NRXN3: variants seen among roughly 807,000 people sequenced by gnomAD.
NRXN3 encodes neurexin III.
Under a neutral mutation model 137.6 loss-of-function variants are expected in NRXN3, and 32 were observed. That is an observed-to-expected ratio of 0.23 (90% CI 0.18 to 0.31). NRXN3 has a LOEUF of 0.31. Among genes scored for constraint, NRXN3 ranks in the 10% least tolerant of loss-of-function variants. The pLI is 1.00. For synonymous variants in NRXN3, 798 were observed against 784.5 expected (o/e 1.02, Z -0.29); for missense variants, 1,574 against 2,062.5 (o/e 0.76, Z 4.59).
chr14:78,987,191 C>T (rs1302217130), intron 14 of NRXN3, among the ~76,000 whole-genome samples: 3 of 152,056 alleles, frequency 2.0e-5, no homozygotes, highest in Non-Finnish European at 4.4e-5. Flanking sequence ...CTGGGGTGAG[C>T]TCCAAGCGTT....
At chr14:79,838,011 G>A (rs1328457816) in intron 20 of NRXN3, among the ~76,000 whole-genome samples, 1 of 152,090 alleles carries the variant, frequency 6.6e-6, no homozygotes, top group Non-Finnish European at 1.5e-5. Context: ...ATTCTACCTA[G>A]TAATCCAAGA....
Position 78,709,247 on chromosome 14 carries a change from G to C in NRXN3, c.1252G>C (p.Glu418Gln), listed in dbSNP as rs1478038193. 6.2e-6 allele frequency: 10 copies of C among 1,613,792 alleles called. No homozygotes were observed. The highest frequency in any genetic ancestry group is 1.3e-5 in the African/African-American group (1 of 74,884). ...TTATAAGAATAATGACATCCGTCTG[G>C]AGCTGTCTCGCCTGGCCCGGATTGC... Reference protein sequence around the residue: ...VVYKNNDIRLELSRLARIADT... With the variant: ...VVYKNNDIRLQLSRLARIADT... The change falls in exon 7 of 21, where the codon GAG becomes CAG. Residue 418 changes from glutamate to glutamine, a missense_variant. Glu to Gln is a conservative substitution (Grantham distance 29). Around this residue, in one of 5 missense-constraint regions of NRXN3, gnomAD observed 718 missense variants for 887.6 expected, o/e 0.81. Coordinates refer to ENST00000335750, the MANE Select transcript of NRXN3 (RefSeq NM_001330195.2).
intron 10 of NRXN3, among the ~76,000 whole-genome samples, chr14:78,946,241 T>C (rs564132933): frequency 6.6e-6 from 1 of 152,340 alleles, no homozygotes; most frequent in African/African-American, 2.4e-5. Flanking sequence ...GAATCCAATG[T>C]ACCTTCCAAG....
Position 78,309,545 on chromosome 14 carries a change from GA to G in NRXN3, c.757+11694del, listed in dbSNP as rs967753005. On this transcript the variant is annotated intron_variant, in intron 4 of 20. Coordinates refer to ENST00000335750, the MANE Select transcript of NRXN3 (RefSeq NM_001330195.2). ...TTTAGAGATGCTAATAATATTTCAA[GA>G]AAAAAAAACTACTGGGAAAAGTAAG... Among the ~76,000 whole-genome samples, 332 of 149,878 alleles carry G rather than the reference GA, an allele frequency of 2.2e-3. 2 individuals are homozygous for G. The highest frequency in any genetic ancestry group is 7.8e-3 in the African/African-American group (321 of 40,940).
At chr14:79,443,740 A>G (rs771042590) in intron 15 of NRXN3, among the ~76,000 whole-genome samples, 3 of 152,178 alleles carry the variant, frequency 2.0e-5, no homozygotes, top group Non-Finnish European at 4.4e-5. Context: ...TATTATCCTT[A>G]AGAAATTCCT....
At chr14:79,295,890 C>T (rs143075532) in intron 15 of NRXN3, among the ~76,000 whole-genome samples, 12 of 152,204 alleles carry the variant, frequency 7.9e-5, no homozygotes, top group African/African-American at 1.7e-4. Context: ...TTACTTTTTT[C>T]GCTATAGAAG....
chr14:79,020,378 G>T (rs887749523), intron 15 of NRXN3, among the ~76,000 whole-genome samples: 4 of 150,378 alleles, frequency 2.7e-5, no homozygotes, highest in East Asian at 2.0e-4. Context: ...CGATTCTCCT[G>T]CCTCAGCCTC....
chr14:78,641,130 G>T (rs894861620), intron 4 of NRXN3, among the ~76,000 whole-genome samples: 1 of 152,166 alleles, frequency 6.6e-6, no homozygotes, highest in Non-Finnish European at 1.5e-5. Context: ...GGATTCAAAG[G>T]ATTGAATAAG....
chr14:79,490,473 C>T (rs574973733), intron 16 of NRXN3, among the ~76,000 whole-genome samples: 5 of 152,038 alleles, frequency 3.3e-5, no homozygotes, highest in African/African-American at 4.8e-5. Flanking sequence ...CAATGGAGTA[C>T]TATTCAGTCA....
intron 4 of NRXN3, among the ~76,000 whole-genome samples, chr14:78,321,206 C>T (rs2079317812): frequency 1.3e-5 from 2 of 152,022 alleles, no homozygotes; most frequent in South Asian, 4.2e-4. Flanking sequence ...GGGTGCTCTT[C>T]ATAACCCCAT....
chr14:78,473,890 C>T (rs1210531357), intron 4 of NRXN3, among the ~76,000 whole-genome samples: 2 of 152,238 alleles, frequency 1.3e-5, no homozygotes, highest in East Asian at 3.9e-4. Flanking sequence ...CAGATGCTCC[C>T]CTATTACAAG....
intron 6 of NRXN3, among the ~76,000 whole-genome samples, chr14:78,664,373 T>C (rs754172515): frequency 3.3e-5 from 5 of 152,114 alleles, no homozygotes; most frequent in Non-Finnish European, 5.9e-5. Context: ...CTTTAAAGAT[T>C]CCCTCTCTTA....
intron 15 of NRXN3, among the ~76,000 whole-genome samples, chr14:79,404,697 T>G (rs376359452): frequency 6.6e-6 from 1 of 152,230 alleles, no homozygotes; most frequent in East Asian, 1.9e-4. Context: ...AAAGAAAATA[T>G]GAGGCAAGAA....
intron 16 of NRXN3, among the ~76,000 whole-genome samples, chr14:79,529,480 A>G (rs1034285148): frequency 6.6e-6 from 1 of 152,162 alleles, no homozygotes; most frequent in African/African-American, 2.4e-5. Context: ...AGTATAAAAC[A>G]ATATAAAACA....
intron 4 of NRXN3, among the ~76,000 whole-genome samples, chr14:78,372,888 A>G (rs1343863954): frequency 2.0e-5 from 3 of 152,192 alleles, no homozygotes; most frequent in Admixed American, 6.5e-5. Context: ...AATAAAAGGC[A>G]ATGTATCATA....
At chr14:79,419,698 A>T (rs1430829659) in intron 15 of NRXN3, among the ~76,000 whole-genome samples, 1 of 152,178 alleles carries the variant, frequency 6.6e-6, no homozygotes, top group East Asian at 1.9e-4. Flanking sequence ...AATCAGCTGT[A>T]ATCAATTCCA....
intron 9 of NRXN3, among the ~76,000 whole-genome samples, chr14:78,804,682 A>C (rs2098850503): frequency 6.6e-6 from 1 of 152,128 alleles, no homozygotes; most frequent in South Asian, 2.1e-4. Context: ...ATTTTCCTTT[A>C]TATGGCCTCA....
rs1352907120 is a variant in NRXN3, at chr14:79,070,950, G to A, written c.3262+82809G>A. On this transcript the variant is annotated intron_variant, in intron 15 of 20. Coordinates refer to ENST00000335750, the MANE Select transcript of NRXN3 (RefSeq NM_001330195.2). ...TGGGTCGCAGTTTAACGATGTAGCC[G>A]TAGTGTATTAAGGCTATGCATAGCA... 5.9e-5 allele frequency among the ~76,000 whole-genome samples: 9 copies of A among 152,186 alleles called. No individual in the cohort carries two copies. In the East Asian group the frequency reaches 1.5e-3, roughly 26 times the overall value.
chr14:79,623,150 C>T lies in NRXN3; in HGVS notation c.3445-40628C>T, dbSNP rs182040301. 1.8e-3 allele frequency among the ~76,000 whole-genome samples: 271 copies of T among 152,228 alleles called. 1 individual carries two copies. The highest frequency in any genetic ancestry group is 2.9e-3 in the Admixed American group (44 of 15,300). On this transcript the variant is annotated intron_variant, in intron 16 of 20. Transcript: ENST00000335750. ...TTTGAGACAAAGATCTTGAATGCAT[C>T]CACTCTTCCCTAAGGAAATGCCATC...
Sources: allele counts gnomAD v4.1 joint callset (sites outside exome capture counted in the v4.1 genomes callset), GRCh38; gene constraint gnomAD v4.1.1; regional missense constraint gnomAD v4.1.1; transcripts MANE v1.5; gene names NCBI Gene and HGNC (gene_info 2026-07-23, HGNC 2026-07-21).